MSH4: variants seen among roughly 807,000 people sequenced by gnomAD.
MSH4 encodes the protein mutS protein homolog 4.
In MSH4, 106 loss-of-function variants were observed where a neutral mutation model predicts 113.7. The observed-to-expected ratio is 0.93, with a 90% confidence interval of 0.80 to 1.10. MSH4 has a LOEUF of 1.10. MSH4 is among the 50% of genes least tolerant of loss of function. The probability of loss-of-function intolerance (pLI) is 0.00; values close to 1 mark genes in which losing one functional copy is unlikely to be tolerated. For missense variants in MSH4, 1,061 were observed against 1,093.7 expected, an observed-to-expected ratio of 0.97 and a Z score of 0.42; for synonymous variants, 368 against 380.2, an observed-to-expected ratio of 0.97 and a Z score of 0.37.
At position 75,888,822 on chromosome 1, in the gene MSH4, G is replaced by T. The variant is rs541695432; in HGVS notation, c.2108-429G>T. Among the ~76,000 whole-genome samples, 3 of 148,558 alleles carry T rather than the reference G, an allele frequency of 2.0e-5. No individual in the cohort carries two copies. In the East Asian group the frequency reaches 6.0e-4, roughly 30 times the overall value. On this transcript the variant is annotated intron_variant, in intron 15 of 19. Coordinates refer to ENST00000263187, the MANE Select transcript of MSH4 (RefSeq NM_002440.4). ...ATTTTTATTGTGTTTATAACTGTCT[G>T]TTTGTTATGTACTTGAACATTTACT...
chr1:75,876,862 A>C, intron 9 of MSH4, 74 bp from the exon 10 acceptor site: 1 of 799,280 alleles, frequency 1.3e-6, no homozygotes, highest in Non-Finnish European at 1.9e-6. Context: ...AAAGTATTAA[A>C]CAACTGTAAA....
At chr1:75,888,008 T>C (rs1652164274) in intron 15 of MSH4, among the ~76,000 whole-genome samples, 1 of 150,790 alleles carries the variant, frequency 6.6e-6, no homozygotes, top group Non-Finnish European at 1.5e-5. Flanking sequence ...ATTTATTGGG[T>C]TATTTTGAAA....
At chr1:75,863,063 T>G (rs951937975) in intron 8 of MSH4, among the ~76,000 whole-genome samples, 15 of 152,276 alleles carry the variant, frequency 9.9e-5, no homozygotes, top group African/African-American at 3.6e-4. Flanking sequence ...ATTAAAGATA[T>G]TTTTCTAATT....
chr1:75,817,660 C>T (rs527683400), intron 6 of MSH4, among the ~76,000 whole-genome samples: 3 of 152,278 alleles, frequency 2.0e-5, no homozygotes, highest in South Asian at 2.1e-4. Context: ...GGATATTCTA[C>T]GTACTGAACT....
At chr1:75,838,836 A>G (rs1650889008) in intron 7 of MSH4, among the ~76,000 whole-genome samples, 1 of 152,080 alleles carries the variant, frequency 6.6e-6, no homozygotes, top group Non-Finnish European at 1.5e-5. Flanking sequence ...TTATCATTCC[A>G]GTTTAGATGT....
rs79908297 is a variant in MSH4 at position 75,838,193 on chromosome 1, C to G, written c.1163-10016C>G. ...TTTCCAAAGGCTCTGGAGGGGGAGT[C>G]CATTTCCTTGCTCTTTCTACTTTCT... On this transcript the variant is annotated intron_variant, in intron 7 of 19. Transcript: ENST00000263187. Among the ~76,000 whole-genome samples the G allele has an allele frequency of 5.0e-3, 760 of 152,254 alleles. 11 individuals are homozygous for G. The highest frequency in any genetic ancestry group is 0.013 in the East Asian group (68 of 5,180).
intron 7 of MSH4, among the ~76,000 whole-genome samples, chr1:75,841,689 T>A (rs1650962640): frequency 6.6e-6 from 1 of 152,084 alleles, no homozygotes. Flanking sequence ...TAGAGAGTAC[T>A]GATCAAATCC....
Position 75,797,037 on chromosome 1 carries a change from C to T in MSH4, c.52C>T (p.Pro18Ser). The T allele has an allele frequency of 6.2e-7, 1 of 1,614,094 alleles. No individual in the cohort carries two copies. Among genetic ancestry groups the T allele is most frequent in the Non-Finnish European group, 8.5e-7 (1 of 1,179,988 alleles). Reference sequence around the variant, plus strand: ...CTCGCCTTCTGCCCCGGCGGTTTCCCCGTCGTCGGGAGAAACCCGCTCACC... The same window carrying T: ...CTCGCCTTCTGCCCCGGCGGTTTCCTCGTCGTCGGGAGAAACCCGCTCACC... ...STSPSAPAVS[P>S]SSGETRSPQG... The change falls in exon 1 of 20, where the codon CCG becomes TCG. Residue 18 changes from proline to serine, a missense_variant. Physicochemically the swap from Pro to Ser is moderately conservative, Grantham distance 74. Coordinates refer to ENST00000263187, the MANE Select transcript of MSH4 (RefSeq NM_002440.4).
intron 3 of MSH4, among the ~76,000 whole-genome samples, chr1:75,809,428 CA>C (rs887121267): frequency 6.6e-6 from 1 of 151,688 alleles, no homozygotes; most frequent in African/African-American, 2.4e-5. Context: ...TTTACAATTT[CA>C]AAAGAGTAGG....
At chr1:75,883,504 A>G in intron 14 of MSH4, 117 bp from the exon 15 acceptor site, 1 of 783,394 alleles carries the variant, frequency 1.3e-6, no homozygotes, top group South Asian at 1.9e-5. Context: ...CCTTAATGTT[A>G]TTATTCCAAA....
At position 75,881,520 on chromosome 1, in the gene MSH4, A is replaced by G. The variant is rs992662935; in HGVS notation, c.1906+150A>G. 2.3e-5 allele frequency: 18 copies of G among 789,280 alleles called. No individual in the cohort carries two copies. In the African/African-American group the frequency reaches 3.1e-4, roughly 14 times the overall value. The allele number at this position is 789,280 out of a possible 1,614,324, so 48.9% of individuals were successfully genotyped here. On this transcript the variant is annotated intron_variant, in intron 14 of 19. Coordinates refer to ENST00000263187, the MANE Select transcript of MSH4 (RefSeq NM_002440.4). ...CTAGACTAAGACACAAAATAAAGAA[A>G]GTGAGATTACCCTTAAAATTTTTTT...
chr1:75,881,596 G>T (rs778228436), intron 14 of MSH4, among the ~76,000 whole-genome samples: 1 of 151,862 alleles, frequency 6.6e-6, no homozygotes, highest in Non-Finnish European at 1.5e-5. Flanking sequence ...AGAAAAAATT[G>T]CAAGAAACTA....
chr1:75,876,126 G>GA (rs533873934), intron 9 of MSH4, among the ~76,000 whole-genome samples: 286 of 152,016 alleles, frequency 1.9e-3, no homozygotes, highest in African/African-American at 6.6e-3. Flanking sequence ...TCCAAAATCT[G>GA]AAAAAAATCC....
intron 7 of MSH4, among the ~76,000 whole-genome samples, chr1:75,823,244 C>T (rs781657151): frequency 6.6e-6 from 1 of 152,142 alleles, no homozygotes; most frequent in African/African-American, 2.4e-5. Flanking sequence ...TTAAGACCTA[C>T]CTTAATAACC....
In MSH4 at chr1:75,907,706, A is replaced by ATATATATATATATG. The variant is rs1553140576; in HGVS notation, c.2620-4985_2620-4972dup. The stretch of plus-strand genomic sequence containing the variant: ...TCTCTATACATATATATATATATAT[A>ATATATATATATATG]TATATATATATATGTATAAAATCTT... On this transcript the variant is annotated intron_variant, in intron 19 of 19. Transcript: ENST00000263187. Among the ~76,000 whole-genome samples the ATATATATATATATG allele has an allele frequency of 1.1e-3, 148 of 131,860 alleles. 1 individual carries two copies. Among genetic ancestry groups the ATATATATATATATG allele is most frequent in the African/African-American group, 4.2e-3 (144 of 34,582 alleles). 86.5% of individuals were successfully genotyped at this position (131,860 alleles called of 152,430 possible). A position where few individuals can be genotyped will look rare whatever the true frequency, so the allele number is the denominator to read the frequency against.
chr1:75,892,377 ACT>A (rs113018030), intron 17 of MSH4, among the ~76,000 whole-genome samples: 372 of 148,276 alleles, frequency 2.5e-3, no homozygotes, highest in Non-Finnish European at 3.7e-3. Flanking sequence ...ACACATACAC[ACT>A]CTCTCTCTCT....
At chr1:75,878,862 C>A in intron 11 of MSH4, 130 bp from the exon 12 acceptor site, 2 of 730,150 alleles carry the variant, frequency 2.7e-6, no homozygotes, top group African/African-American at 1.8e-5. Flanking sequence ...TTTGAAAGAG[C>A]AACAAGACCT....
chr1:75,806,678 T>C (rs561362727), intron 2 of MSH4, among the ~76,000 whole-genome samples: 20 of 152,272 alleles, frequency 1.3e-4, no homozygotes, highest in African/African-American at 4.8e-4. Flanking sequence ...CCTTGCCACC[T>C]GTACCCTCCA....
At chr1:75,813,256 T>C (rs956673383) in intron 4 of MSH4, among the ~76,000 whole-genome samples, 1 of 152,204 alleles carries the variant, frequency 6.6e-6, no homozygotes, top group Non-Finnish European at 1.5e-5. Context: ...TACACTATAA[T>C]TGACTAATCC....
Sources: gnomAD v4.1 joint callset for allele counts (sites outside exome capture counted in the v4.1 genomes callset) on GRCh38, gnomAD v4.1.1 for gene constraint, MANE v1.5 for transcripts, NCBI Gene and HGNC (gene_info 2026-07-23, HGNC 2026-07-21) for gene names.